RPS6KA3: variants seen among roughly 807,000 people sequenced by gnomAD.
RPS6KA3 encodes ribosomal protein S6 kinase alpha-3.
Under a neutral mutation model 67.2 loss-of-function variants are expected in RPS6KA3, and 4 were observed. The ratio of observed to expected loss-of-function variants is 0.06; its 90% CI spans 0.03 to 0.14. RPS6KA3 has a LOEUF of 0.14. Among genes scored for constraint, RPS6KA3 ranks in the 10% least tolerant of loss-of-function variants. The pLI, the probability that RPS6KA3 is intolerant of heterozygous loss-of-function variation, is 1.00. For synonymous variants in RPS6KA3, 182 were observed against 183.7 expected (o/e 0.99, Z 0.07); for missense variants, 204 against 559.0 (o/e 0.36, Z 6.40).
chrX:20,261,946 T>C (rs1053183444), intron 1 of RPS6KA3, among the ~76,000 whole-genome samples: 2 of 112,162 alleles, frequency 1.8e-5, no homozygotes, highest in Non-Finnish European at 3.8e-5. Flanking sequence ...TTTCTATTTA[T>C]GTGAATTGGG....
chrX:20,182,944 G>A (rs753625812), intron 10 of RPS6KA3, among the ~76,000 whole-genome samples: 1 of 111,520 alleles, frequency 9.0e-6, no homozygotes, highest in Admixed American at 9.6e-5. Flanking sequence ...GAATGCTCCT[G>A]TCAATCTTTT....
At chrX:20,193,346 T>C (rs2068191290) in intron 7 of RPS6KA3, 141 bp downstream of exon 7, 4 of 400,154 alleles carry the variant, frequency 1.0e-5, no homozygotes, top group South Asian at 5.0e-5. Context: ...TTTTAAAGTA[T>C]GAAACTACAG....
Position 20,161,708 on chromosome X carries a change from C to T in RPS6KA3, c.1895G>A (p.Arg632Gln), listed in dbSNP as rs1210859060. 1 of 1,168,620 alleles carries T rather than the reference C, an allele frequency of 8.6e-7. No homozygotes were observed. Among genetic ancestry groups the T allele is most frequent in the Non-Finnish European group, 1.2e-6 (1 of 867,373 alleles). ...PDDTPEEILA[R>Q]IGSGKFSLSG... ...GAGTGAGAATTTTCCGCTACCTATTCGTGCCAATATTTCCTCTGGTGTATC... is the reference window on the plus strand; with the variant it reads ...GAGTGAGAATTTTCCGCTACCTATTTGTGCCAATATTTCCTCTGGTGTATC... Residue 632 changes from arginine (R) to glutamine (Q), a missense_variant, in exon 20 of 22, where the codon CGA becomes CAA. Arg to Gln is a conservative substitution (Grantham distance 43, BLOSUM62 1). Around this residue, in one of 4 missense-constraint regions of RPS6KA3, gnomAD observed 73 missense variants for 241.1 expected, o/e 0.30. Transcript: ENST00000379565.
chrX:20,179,330 G>A lies in RPS6KA3; in HGVS notation c.846-2246C>T, dbSNP rs1470549001. Among the ~76,000 whole-genome samples the A allele has an allele frequency of 3.6e-5, 4 of 111,364 alleles. No homozygotes were observed. In the East Asian group the frequency reaches 1.1e-3, roughly 31 times the overall value. ...AATAGAAACACAGGTCTAATGCCTG[G>A]TAAATTCATGTAAGAAAGAGTGATT... On this transcript the variant is annotated intron_variant, in intron 10 of 21. Transcript: ENST00000379565.
upstream of RPS6KA3, chrX:20,267,025 C>G: frequency 1.3e-6 from 1 of 754,512 alleles, no homozygotes; most frequent in Non-Finnish European, 1.6e-6. Context: ...CACAACATGG[C>G]GCCTAAGCGA....
At chrX:20,231,233 CA>C (rs945913667) in intron 2 of RPS6KA3, among the ~76,000 whole-genome samples, 10 of 111,830 alleles carry the variant, frequency 8.9e-5, no homozygotes, top group Non-Finnish European at 1.7e-4. Context: ...GCTGGGATTA[CA>C]GGCATAAGCC....
In RPS6KA3 at chrX:20,176,285, T is replaced by C; in HGVS notation, c.1067A>G (p.Tyr356Cys). 2 of 1,201,637 alleles carry C rather than the reference T, an allele frequency of 1.7e-6. No homozygotes were observed. Among genetic ancestry groups the C allele is most frequent in the Non-Finnish European group, 2.3e-6 (2 of 886,444 alleles). ...TTTTGCAGTAAACTCAGGATCAAAATAGAATGTATCTTCAGGCCTGCCCGT... is the reference window on the plus strand; with the variant it reads ...TTTTGCAGTAAACTCAGGATCAAAACAGAATGTATCTTCAGGCCTGCCCGT... The part of the protein sequence containing the change: ...PATGRPEDTF[Y>C]FDPEFTAKTP... Residue 356 changes from tyrosine (Y) to cysteine (C), a missense_variant, in exon 13 of 22, where the codon TAT (tyrosine) becomes TGT (cysteine). Physicochemically the swap from Tyr to Cys is radical, Grantham distance 194 (BLOSUM62 -2). Transcript: ENST00000379565.
chrX:20,209,221 C>A, intron 3 of RPS6KA3, 67 bp downstream of exon 3: 1 of 620,447 alleles, frequency 1.6e-6, no homozygotes, highest in East Asian at 3.3e-5. Flanking sequence ...TATTTGTTTC[C>A]TCATGTATAT....
intron 2 of RPS6KA3, among the ~76,000 whole-genome samples, chrX:20,212,049 A>G (rs2068730182): frequency 8.9e-6 from 1 of 112,087 alleles, no homozygotes; most frequent in Non-Finnish European, 1.9e-5. Context: ...AATTATAAAC[A>G]CATTCCATTT....
intron 2 of RPS6KA3, among the ~76,000 whole-genome samples, chrX:20,212,280 T>G (rs1038290356): frequency 9.0e-6 from 1 of 111,538 alleles, no homozygotes; most frequent in Non-Finnish European, 1.9e-5. Flanking sequence ...GGTGGATCAC[T>G]TGAGGTCAGG....
Position 20,176,971 on chromosome X carries a change from T to G in RPS6KA3, c.934+25A>C. 4 of 1,061,733 alleles carry G rather than the reference T, an allele frequency of 3.8e-6. No homozygotes were observed. In the South Asian group the frequency reaches 7.5e-5, roughly 20 times the overall value. The allele number at this position is 1,061,733 out of a possible 1,213,427, so 87.5% of individuals were successfully genotyped here. A position where few individuals can be genotyped will look rare whatever the true frequency, so the allele number is the denominator to read the frequency against. Reference sequence around the variant, plus strand: ...AACAAACACCAACAAACATACAACATAAACAAATTAGTTAAAATTTTTACC... The same window carrying G: ...AACAAACACCAACAAACATACAACAGAAACAAATTAGTTAAAATTTTTACC... On this transcript the variant is annotated intron_variant, in intron 11 of 21. Transcript: ENST00000379565.
intron 2 of RPS6KA3, 51 bp downstream of exon 2, chrX:20,234,707 T>C (rs1314459449): frequency 1.2e-6 from 1 of 841,095 alleles, no homozygotes; most frequent in Admixed American, 2.2e-5. Flanking sequence ...TAATAATAAC[T>C]TTACAGTATT....
rs1490514110 is a variant in RPS6KA3 at position 20,151,012 on chromosome X, G to C, written c.*4386C>G. The C allele has an allele frequency of 1.8e-5, 2 of 112,425 alleles. No homozygotes were observed. Among genetic ancestry groups the C allele is most frequent in the Non-Finnish European group, 3.8e-5 (2 of 53,240 alleles). 9.3% of individuals were successfully genotyped at this position (112,425 alleles called of 1,213,427 possible). A position where few individuals can be genotyped will look rare whatever the true frequency, so the allele number is the denominator to read the frequency against. ...CCCTCGGTATGCCCTGTTATGAACAGTTAAAAAACTAGAATCAAAGTGGTA... is the reference window on the plus strand; with the variant it reads ...CCCTCGGTATGCCCTGTTATGAACACTTAAAAAACTAGAATCAAAGTGGTA... On this transcript the variant is annotated 3_prime_UTR_variant, in exon 22 of 22. Coordinates refer to ENST00000379565, the MANE Select transcript of RPS6KA3 (RefSeq NM_004586.3).
chrX:20,199,642 T>C lies in RPS6KA3; in HGVS notation c.325+4380A>G, dbSNP rs2068371194. ...ACTTTCCCAAGACTGAAGAAAGGAG[T>C]TTTTAGGTTGAAAGAGACCACACCT... On this transcript the variant is annotated intron_variant, in intron 4 of 21. Transcript: ENST00000379565. Among the ~76,000 whole-genome samples the C allele has an allele frequency of 3.7e-5, 4 of 107,447 alleles. No homozygotes were observed. In the South Asian group the frequency reaches 1.6e-3, roughly 43 times the overall value. 93.3% of individuals were successfully genotyped at this position (107,447 alleles called of 115,157 possible).
rs1239494430 is a variant in RPS6KA3 at position 20,164,474 on chromosome X, ACT to A, written c.1764+423_1764+424del. The stretch of plus-strand genomic sequence containing the variant: ...TGATCTTGGGTCACTGCAACCTCAA[ACT>A]CTTGGGGTCAAGTGATCCTCCTACC... On this transcript the variant is annotated intron_variant, in intron 18 of 21. Coordinates refer to ENST00000379565, the MANE Select transcript of RPS6KA3 (RefSeq NM_004586.3). 2.8e-5 allele frequency among the ~76,000 whole-genome samples: 3 copies of A among 106,337 alleles called. No homozygotes were observed. The Admixed American group carries it at 3.0e-4, about 11-fold the overall frequency. 92.3% of individuals were successfully genotyped at this position (106,337 alleles called of 115,157 possible).
chrX:20,205,228 T>C (rs1406441550), intron 3 of RPS6KA3, among the ~76,000 whole-genome samples: 1 of 112,458 alleles, frequency 8.9e-6, no homozygotes, highest in African/African-American at 3.2e-5. Context: ...ATCATTTCCA[T>C]TGAACCTTTA....
At position 20,186,234 on chromosome X, in the gene RPS6KA3, G is replaced by A. The variant is rs182512569; in HGVS notation, c.845+62C>T. 5.4e-3 allele frequency: 4,327 copies of A among 795,706 alleles called. 148 individuals carry two copies. The Admixed American group carries it at 0.091, about 17-fold the overall frequency. 65.6% of individuals were successfully genotyped at this position (795,706 alleles called of 1,213,427 possible). ...TGGGATTACAGGCATGAGCCACAGC[G>A]CCCAGCCTGAAGCATTTATTTTAAA... On this transcript the variant is annotated intron_variant, in intron 10 of 21. Transcript: ENST00000379565.
intron 13 of RPS6KA3, 88 bp downstream of exon 13, chrX:20,176,162 C>A (rs1387736456): frequency 1.6e-6 from 1 of 623,379 alleles, no homozygotes; most frequent in African/African-American, 2.2e-5. Context: ...TGAGCCACCG[C>A]GCCCAGAGTC....
intron 2 of RPS6KA3, among the ~76,000 whole-genome samples, chrX:20,215,276 C>A (rs1198309953): frequency 9.0e-6 from 1 of 110,698 alleles, no homozygotes; most frequent in Non-Finnish European, 1.9e-5. Flanking sequence ...CTACTCTCTT[C>A]CCCCCAAAAC....
Sources: allele counts gnomAD v4.1 joint callset (sites outside exome capture counted in the v4.1 genomes callset), GRCh38; gene constraint gnomAD v4.1.1; regional missense constraint gnomAD v4.1.1; transcripts MANE v1.5; gene names NCBI Gene and HGNC (gene_info 2026-07-23, HGNC 2026-07-21).